The following ST6GALNAC3 variants were observed in gnomAD, a reference collection of about 807,000 sequenced individuals.
ST6GALNAC3 encodes ST6 N-acetylgalactosaminide alpha-2,6-sialyltransferase 3.
A neutral mutation model predicts 32.7 loss-of-function variants in ST6GALNAC3; 25 were observed. The observed-to-expected ratio is 0.76, with a 90% CI of 0.56 to 1.07. ST6GALNAC3 has a LOEUF of 1.07. ST6GALNAC3 is among the 50% of genes least tolerant of loss of function. The probability of loss-of-function intolerance (pLI) is 0.00; values close to 1 mark genes in which losing one functional copy is unlikely to be tolerated. For missense variants in ST6GALNAC3, 355 were observed against 382.4 expected (o/e 0.93, Z 0.60); for synonymous variants, 129 against 133.1 (o/e 0.97, Z 0.21).
At chr1:76,322,493 G>A (rs1033246475) in intron 2 of ST6GALNAC3, among the ~76,000 whole-genome samples, 11 of 152,108 alleles carry the variant, frequency 7.2e-5, no homozygotes, top group Non-Finnish European at 1.5e-5. Flanking sequence ...AATGATGATG[G>A]CTGAGTAACC....
chr1:76,235,688 G>A (rs1277619418), intron 1 of ST6GALNAC3, among the ~76,000 whole-genome samples: 1 of 149,190 alleles, frequency 6.7e-6, no homozygotes, highest in Non-Finnish European at 1.5e-5. Flanking sequence ...AGTTTACTAG[G>A]GCTATGGTAA....
In ST6GALNAC3 at chr1:76,231,387, C is replaced by T. The variant is rs372852871; in HGVS notation, c.19-82418C>T. Among the ~76,000 whole-genome samples the T allele has an allele frequency of 5.9e-5, 9 of 152,176 alleles. No homozygotes were observed. In the South Asian group the frequency reaches 1.5e-3, roughly 25 times the overall value. ...ATTTACCATGTTAACTATTTTTAAGCGTACAATTCAGCAGTATTAAGTATA... is the reference window on the plus strand; with the variant it reads ...ATTTACCATGTTAACTATTTTTAAGTGTACAATTCAGCAGTATTAAGTATA... On this transcript the variant is annotated intron_variant, in intron 1 of 4. Transcript: ENST00000328299.
intron 1 of ST6GALNAC3, among the ~76,000 whole-genome samples, chr1:76,265,519 C>T (rs937556792): frequency 2.0e-5 from 3 of 152,160 alleles, no homozygotes; most frequent in African/African-American, 4.8e-5. Flanking sequence ...TAAGAAGCTT[C>T]GTACCCACCA....
chr1:76,194,797 A>G (rs1417408986), intron 1 of ST6GALNAC3, among the ~76,000 whole-genome samples: 2 of 152,230 alleles, frequency 1.3e-5, no homozygotes, highest in African/African-American at 2.4e-5. Flanking sequence ...CAAAACTCCA[A>G]TTGGTAGTTT....
intron 1 of ST6GALNAC3, among the ~76,000 whole-genome samples, chr1:76,285,713 A>G (rs1419754191): frequency 1.3e-5 from 2 of 152,264 alleles, no homozygotes; most frequent in Non-Finnish European, 2.9e-5. Flanking sequence ...TTGAATGACC[A>G]TGAGAGAGAC....
intron 1 of ST6GALNAC3, among the ~76,000 whole-genome samples, chr1:76,282,051 A>T (rs898041341): frequency 4.0e-4 from 61 of 152,258 alleles, no homozygotes; most frequent in African/African-American, 1.2e-3. Context: ...CAATGCCCTC[A>T]AGTCATCTAA....
At chr1:76,429,613 C>A (rs984734222) in intron 3 of ST6GALNAC3, among the ~76,000 whole-genome samples, 2 of 152,068 alleles carry the variant, frequency 1.3e-5, no homozygotes, top group Non-Finnish European at 2.9e-5. Flanking sequence ...ATGTGCTCAA[C>A]ATATTCTTCA....
At chr1:76,267,735 T>C (rs1486043470) in intron 1 of ST6GALNAC3, among the ~76,000 whole-genome samples, 1 of 152,222 alleles carries the variant, frequency 6.6e-6, no homozygotes, top group East Asian at 1.9e-4. Context: ...TCATGGCAAC[T>C]GAAACCCTTG....
chr1:76,492,663 C>T (rs1056592044), intron 3 of ST6GALNAC3, among the ~76,000 whole-genome samples: 2 of 151,964 alleles, frequency 1.3e-5, no homozygotes, highest in East Asian at 1.9e-4. Flanking sequence ...TGAAGTAGTC[C>T]GTGGTATAGG....
chr1:76,489,820 C>A (rs1399712001), intron 3 of ST6GALNAC3, among the ~76,000 whole-genome samples: 1 of 152,150 alleles, frequency 6.6e-6, no homozygotes, highest in Non-Finnish European at 1.5e-5. Flanking sequence ...CTCACTAGTT[C>A]TTACTCGCTG....
intron 1 of ST6GALNAC3, among the ~76,000 whole-genome samples, chr1:76,230,552 A>G (rs758745478): frequency 1.3e-5 from 2 of 152,204 alleles, no homozygotes; most frequent in Non-Finnish European, 2.9e-5. Flanking sequence ...ATGATTAGGT[A>G]AGTCTACTGA....
At chr1:76,385,786 A>T (rs1391674748) in intron 2 of ST6GALNAC3, among the ~76,000 whole-genome samples, 3 of 152,136 alleles carry the variant, frequency 2.0e-5, no homozygotes, top group African/African-American at 7.2e-5. Flanking sequence ...GGATGAGCTT[A>T]CATTGATGAC....
At chr1:76,389,282 C>A (rs895133823) in intron 2 of ST6GALNAC3, among the ~76,000 whole-genome samples, 1 of 152,048 alleles carries the variant, frequency 6.6e-6, no homozygotes, top group Non-Finnish European at 1.5e-5. Context: ...GAGGCTGAGA[C>A]AAGAACATGG....
intron 3 of ST6GALNAC3, among the ~76,000 whole-genome samples, chr1:76,485,791 C>T (rs556079034): frequency 1.2e-3 from 181 of 152,238 alleles, no homozygotes; most frequent in African/African-American, 4.0e-3. Context: ...GCTCTAGCTT[C>T]TGTAGTTCTT....
At chr1:76,260,738 TA>T (rs1658182107) in intron 1 of ST6GALNAC3, among the ~76,000 whole-genome samples, 1 of 152,136 alleles carries the variant, frequency 6.6e-6, no homozygotes, top group South Asian at 2.1e-4. Context: ...AGGACAGGCC[TA>T]AAAAATTAGG....
intron 3 of ST6GALNAC3, among the ~76,000 whole-genome samples, chr1:76,553,459 G>A (rs895730631): frequency 6.6e-6 from 1 of 152,146 alleles, no homozygotes; most frequent in East Asian, 1.9e-4. Context: ...TATTTGCTGA[G>A]GAGGTTAATC....
chr1:76,597,115 G>A lies in ST6GALNAC3; in HGVS notation c.624-30337G>A, dbSNP rs180674049. ...CATCTTTCTACTGAGTAGCTTCCCC[G>A]TTGATCAATGTTAGGAAGCTTGCTA... On this transcript the variant is annotated intron_variant, in intron 3 of 4. Transcript: ENST00000328299. 2.5e-3 allele frequency among the ~76,000 whole-genome samples: 378 copies of A among 152,210 alleles called. 2 individuals are homozygous for A. Among genetic ancestry groups the A allele is most frequent in the Non-Finnish European group, 3.5e-3 (239 of 68,008 alleles).
chr1:76,414,063 G>C (rs1216954914), intron 3 of ST6GALNAC3, among the ~76,000 whole-genome samples: 2 of 152,008 alleles, frequency 1.3e-5, no homozygotes, highest in Non-Finnish European at 2.9e-5. Context: ...GACTTTTGCC[G>C]TGAGCTTTGA....
chr1:76,367,433 T>G (rs1025727328), intron 2 of ST6GALNAC3, among the ~76,000 whole-genome samples: 1 of 152,024 alleles, frequency 6.6e-6, no homozygotes, highest in African/African-American at 2.4e-5. Context: ...TGGATCCTTG[T>G]GGGCAGAGGA....
Sources: allele counts gnomAD v4.1 joint callset (sites outside exome capture counted in the v4.1 genomes callset), GRCh38; gene constraint gnomAD v4.1.1; transcripts MANE v1.5; gene names NCBI Gene and HGNC (gene_info 2026-07-23, HGNC 2026-07-21).